MSANTD2: variants seen among roughly 807,000 people sequenced by gnomAD.
MSANTD2 encodes the protein myb/SANT-like DNA-binding domain-containing protein 2.
In MSANTD2, 19 loss-of-function variants were observed where a neutral mutation model predicts 52.6. The ratio of observed to expected loss-of-function variants is 0.36; its 90% confidence interval spans 0.25 to 0.53. MSANTD2 has a LOEUF of 0.53. MSANTD2 is among the 20% of genes least tolerant of loss of function. The probability of loss-of-function intolerance (pLI) is 0.91; values close to 1 mark genes in which losing one functional copy is unlikely to be tolerated. For synonymous variants in MSANTD2, 291 were observed against 289.7 expected (o/e 1.00, Z -0.04); for missense variants, 558 against 716.3 (o/e 0.78, Z 2.52).
At chr11:124,781,841 CGG>C (rs1480302449) in intron 1 of MSANTD2, among the ~76,000 whole-genome samples, 1 of 151,946 alleles carries the variant, frequency 6.6e-6, no homozygotes, top group Non-Finnish European at 1.5e-5. Context: ...TTAGTAGAGA[CGG>C]GGTTTCACTA....
At chr11:124,769,693 G>A (rs1415710949) in intron 3 of MSANTD2, among the ~76,000 whole-genome samples, 3 of 152,196 alleles carry the variant, frequency 2.0e-5, no homozygotes, top group South Asian at 2.1e-4. Flanking sequence ...TAAATGAGCA[G>A]ACTAGGGGAT....
chr11:124,786,384 T>C (rs1208935942), intron 1 of MSANTD2, among the ~76,000 whole-genome samples: 1 of 152,262 alleles, frequency 6.6e-6, no homozygotes, highest in African/African-American at 2.4e-5. Context: ...CCCCATCATC[T>C]ATCTCTAAGA....
chr11:124,791,491 T>C, intron 1 of MSANTD2: 1 of 1,109,942 alleles, frequency 9.0e-7, no homozygotes, highest in African/African-American at 1.5e-5. Flanking sequence ...CTCTCCTAAA[T>C]GGCTGAGGGC....
chr11:124,774,750 A>G lies in MSANTD2; in HGVS notation c.735T>C (p.Asp245=). ...SQEDWGNHSQ[D]LHGYPTDQEL... ...CCTGATCTGTTGGATAGCCATGGAG[A>G]TCCTGACTGTGGTTTCCCCAGTCCT... is the stretch of plus-strand genomic sequence containing the variant. The change falls in exon 2 of 4, where the codon GAT becomes GAC. Residue 245 remains aspartate, a synonymous_variant. Coordinates refer to ENST00000374979, the MANE Select transcript of MSANTD2 (RefSeq NM_001308027.2). This position sits in a 1 kb window ranked among gnomAD's most constrained non-coding sequence, Gnocchi z 5.1. 2 of 1,614,126 alleles carry G rather than the reference A, an allele frequency of 1.2e-6. No homozygotes were observed. Among genetic ancestry groups the G allele is most frequent in the Non-Finnish European group, 8.5e-7 (1 of 1,180,026 alleles).
At position 124,774,231 on chromosome 11, in the gene MSANTD2, C is replaced by G. The variant is rs1944652195; in HGVS notation, c.766+488G>C. 6.6e-6 allele frequency among the ~76,000 whole-genome samples: 1 copy of G among 152,144 alleles called. No homozygotes were observed. Among genetic ancestry groups the G allele is most frequent in the South Asian group, 2.1e-4 (1 of 4,824 alleles). On this transcript the variant is annotated intron_variant, in intron 2 of 3. Transcript: ENST00000374979. The surrounding 1 kb of genome is among the most constrained non-coding windows in gnomAD (Gnocchi z 5.1). The stretch of plus-strand genomic sequence containing the variant: ...CCTCATTTTGTGTTCAGGCTCAAGT[C>G]TGAGAGAAGACCTTTTCCAAATCAT...
At chr11:124,791,160 A>C in intron 1 of MSANTD2, 1 of 884,302 alleles carries the variant, frequency 1.1e-6, no homozygotes, top group Non-Finnish European at 1.8e-6. Flanking sequence ...ACAAAAGGTG[A>C]ATGGGAGCTG....
intron 1 of MSANTD2, chr11:124,789,978 G>T (rs761620806): frequency 1.6e-4 from 24 of 152,198 alleles, no homozygotes; most frequent in Non-Finnish European, 2.9e-4. Flanking sequence ...GTTTTAAAGA[G>T]TTCTTTAGAG....
chr11:124,791,262 A>G, intron 1 of MSANTD2: 5 of 1,452,358 alleles, frequency 3.4e-6, no homozygotes, highest in Non-Finnish European at 4.8e-6. Flanking sequence ...AACCTGGAGT[A>G]TCCTTGGTCT....
chr11:124,767,848 G>A lies in MSANTD2; in HGVS notation c.1008C>T (p.Ser336=), dbSNP rs749509673. The A allele has an allele frequency of 1.2e-6, 2 of 1,614,250 alleles. No individual in the cohort carries two copies. Among genetic ancestry groups the A allele is most frequent in the Non-Finnish European group, 1.7e-6 (2 of 1,180,036 alleles). The change falls in exon 4 of 4, where the codon AGC becomes AGT. Residue 336 remains serine, a synonymous_variant. Transcript: ENST00000374979. The surrounding 1 kb of genome is among the most constrained non-coding windows in gnomAD (Gnocchi z 6.5). The stretch of plus-strand genomic sequence containing the variant: ...GTCGCTTGCCAAGGGGCACCTGGGA[G>A]CTGATCTCAGCATAATGGTAACGGA... ...EDIRYHYAEI[S]SQVPLGKRLR...
chr11:124,789,024 T>C (rs923318363), intron 1 of MSANTD2, among the ~76,000 whole-genome samples: 1 of 152,174 alleles, frequency 6.6e-6, no homozygotes, highest in African/African-American at 2.4e-5. Flanking sequence ...ACTGAGGTAT[T>C]CCCAGAGCCC....
intron 3 of MSANTD2, among the ~76,000 whole-genome samples, chr11:124,771,558 T>C (rs1944521530): frequency 6.6e-6 from 1 of 152,142 alleles, no homozygotes; most frequent in Non-Finnish European, 1.5e-5. Flanking sequence ...TTACTTGAGG[T>C]CAGGAGTTCG....
chr11:124,783,768 A>C (rs1945066282), intron 1 of MSANTD2: 2 of 985,272 alleles, frequency 2.0e-6, no homozygotes, highest in Non-Finnish European at 2.4e-6. Context: ...CATTCAGATT[A>C]CTAAGAAAAA....
At chr11:124,797,074 T>C (rs1157479560) in intron 1 of MSANTD2, among the ~76,000 whole-genome samples, 1 of 152,212 alleles carries the variant, frequency 6.6e-6, no homozygotes, top group Non-Finnish European at 1.5e-5. Context: ...TTAAATGCAG[T>C]ATTCTTCAGA....
intron 1 of MSANTD2, among the ~76,000 whole-genome samples, chr11:124,777,119 C>G (rs971030787): frequency 6.6e-6 from 1 of 152,190 alleles, no homozygotes; most frequent in African/African-American, 2.4e-5. Context: ...TTCCAAACAT[C>G]CCTTGCCAAT....
intron 1 of MSANTD2, among the ~76,000 whole-genome samples, chr11:124,777,213 A>G (rs2135242832): frequency 6.6e-6 from 1 of 152,326 alleles, no homozygotes; most frequent in East Asian, 1.9e-4. Flanking sequence ...CCGTAAATGG[A>G]GAGTCCCAAC....
chr11:124,781,737 C>G (rs1476153157), intron 1 of MSANTD2, among the ~76,000 whole-genome samples: 1 of 151,264 alleles, frequency 6.6e-6, no homozygotes, highest in Non-Finnish European at 1.5e-5. Flanking sequence ...ACTGCAACCT[C>G]TGCCTCCTGG....
At chr11:124,768,226 C>G (rs1397237387) in intron 3 of MSANTD2, among the ~76,000 whole-genome samples, 198 bp from the exon 4 acceptor site, 72 of 152,290 alleles carry the variant, frequency 4.7e-4, no homozygotes, top group Non-Finnish European at 4.4e-5. Context: ...TGACTAGCAG[C>G]TACTGTACTG....
intron 2 of MSANTD2, chr11:124,773,286 T>C: frequency 3.1e-6 from 1 of 325,818 alleles, no homozygotes. Flanking sequence ...TTCTTCAAGG[T>C]CACCAGTGGA....
intron 1 of MSANTD2, among the ~76,000 whole-genome samples, chr11:124,799,554 G>A (rs539312639): frequency 6.6e-6 from 1 of 152,170 alleles, no homozygotes; most frequent in East Asian, 1.9e-4. Flanking sequence ...GGGGGCAAGA[G>A]GCGCCAGCGG....
Sources: allele counts gnomAD v4.1 joint callset (sites outside exome capture counted in the v4.1 genomes callset), GRCh38; gene constraint gnomAD v4.1.1; non-coding constraint Gnocchi (gnomAD v3.1); transcripts MANE v1.5; gene names NCBI Gene and HGNC (gene_info 2026-07-23, HGNC 2026-07-21).